Variants in A2ML1 observed in about 807,000 individuals in gnomAD.
The protein encoded by A2ML1 is alpha-2-macroglobulin-like protein 1.
A neutral mutation model predicts 181.9 loss-of-function variants in A2ML1; 161 were observed. That is an observed-to-expected ratio of 0.89 (90% CI 0.78 to 1.01). The LOEUF is 1.01. A2ML1 is among the 50% of genes least tolerant of loss of function. The probability of loss-of-function intolerance (pLI) is 0.00; values close to 1 mark genes in which losing one functional copy is unlikely to be tolerated. For synonymous variants in A2ML1, 663 were observed against 666.8 expected, an observed-to-expected ratio of 0.99 and a Z score of 0.09; for missense variants, 1,670 against 1,768.1, an observed-to-expected ratio of 0.94 and a Z score of 1.00.
rs919609806 is a variant in A2ML1 at position 8,847,765 on chromosome 12, T to G, written c.1833+67T>G. ...TGGAGAAGACAATTAAGAGGTAGGT[T>G]TCAGGCAGGGGAGAGAAAGTCTTAG... On this transcript the variant is annotated intron_variant, in intron 15 of 35. Transcript: ENST00000299698. 6 of 1,553,046 alleles carry G rather than the reference T, an allele frequency of 3.9e-6. No homozygotes were observed. The African/African-American group carries it at 8.2e-5, about 21-fold the overall frequency.
chr12:8,849,189 C>A (rs1201057586), intron 16 of A2ML1, among the ~76,000 whole-genome samples: 2 of 152,088 alleles, frequency 1.3e-5, no homozygotes, highest in Non-Finnish European at 2.9e-5. Flanking sequence ...GGTCTCTTAT[C>A]ATTATTATAA....
chr12:8,829,409 T>A (rs1458471745), intron 3 of A2ML1, among the ~76,000 whole-genome samples: 1 of 152,284 alleles, frequency 6.6e-6, no homozygotes, highest in East Asian at 1.9e-4. Context: ...ACGCCTATAA[T>A]CCCAGCACTT....
chr12:8,845,463 G>A lies in A2ML1; in HGVS notation c.1498G>A (p.Val500Met). The change falls in exon 13 of 36, where the codon GTG becomes ATG. Residue 500 changes from valine (V) to methionine (M), a missense_variant. Transcript: ENST00000299698. ...TTAGTTAATAGGGAAAGGAAGTTTG[G>A]TGATGGAGGGGCAGAAACACCTGAA... ...SYYLIGKGSL[V>M]MEGQKHLNSK... is the part of the protein sequence containing the mutation. 1 of 1,614,136 alleles carries A rather than the reference G, an allele frequency of 6.2e-7. No homozygotes were observed. Among genetic ancestry groups the A allele is most frequent in the Non-Finnish European group, 8.5e-7 (1 of 1,180,022 alleles).
chr12:8,860,540 C>T (rs747111827), intron 26 of A2ML1, among the ~76,000 whole-genome samples: 4 of 152,228 alleles, frequency 2.6e-5, no homozygotes, highest in African/African-American at 9.6e-5. Flanking sequence ...GGCTCAGATG[C>T]GGTGATGCGG....
Position 8,845,464 on chromosome 12 carries a change from T to A in A2ML1, c.1499T>A (p.Val500Glu). 1 of 1,614,084 alleles carries A rather than the reference T, an allele frequency of 6.2e-7. No individual in the cohort carries two copies. Among genetic ancestry groups the A allele is most frequent in the Non-Finnish European group, 8.5e-7 (1 of 1,179,996 alleles). The change falls in exon 13 of 36, where the codon GTG becomes GAG. Residue 500 changes from valine to glutamate, a missense_variant. Coordinates refer to ENST00000299698, the MANE Select transcript of A2ML1 (RefSeq NM_144670.6). ...TAGTTAATAGGGAAAGGAAGTTTGG[T>A]GATGGAGGGGCAGAAACACCTGAAC... ...SYYLIGKGSL[V>E]MEGQKHLNSK...
chr12:8,859,193 C>G (rs1944174004), intron 26 of A2ML1, among the ~76,000 whole-genome samples: 1 of 151,828 alleles, frequency 6.6e-6, no homozygotes, highest in African/African-American at 2.4e-5. Context: ...ATAACTTGTT[C>G]AATTCAGGAC....
At chr12:8,873,297 T>C (rs753599348) in intron 33 of A2ML1, among the ~76,000 whole-genome samples, 3 of 151,848 alleles carry the variant, frequency 2.0e-5, no homozygotes, top group Non-Finnish European at 4.4e-5. Flanking sequence ...TGGACTTCAG[T>C]GGCCCGATCT....
At chr12:8,867,806 C>A in intron 29 of A2ML1, 36 bp from the exon 30 acceptor site, 1 of 1,585,818 alleles carries the variant, frequency 6.3e-7, no homozygotes. Context: ...CAATGGCTCA[C>A]AAAATGGTAA....
At chr12:8,886,576 C>T (rs1944923225) in exon 8 of A2ML1, 1 of 152,260 alleles carries the variant, frequency 6.6e-6, no homozygotes, top group Non-Finnish European at 1.5e-5. Context: ...GACTCTGTGG[C>T]ACGGCACCCA....
At chr12:8,865,362 A>G (rs752230489) in intron 29 of A2ML1, among the ~76,000 whole-genome samples, 64 of 152,030 alleles carry the variant, frequency 4.2e-4, no homozygotes, top group African/African-American at 1.5e-3. Flanking sequence ...CAACATGGAG[A>G]AACCCCATCT....
Position 8,838,327 on chromosome 12 carries a change from C to A in A2ML1, c.856-9C>A, listed in dbSNP as rs1316015637. The A allele has an allele frequency of 3.1e-6, 5 of 1,603,752 alleles. No homozygotes were observed. The highest frequency in any genetic ancestry group is 4.3e-6 in the Non-Finnish European group (5 of 1,171,430). ...TGCTCTCTATCTCTGTCTCTGATCA[C>A]CTCACTAGACTGACAAAACAGGATG... On this transcript the variant is annotated splice_polypyrimidine_tract_variant and intron_variant, in intron 8 of 35. Coordinates refer to ENST00000299698, the MANE Select transcript of A2ML1 (RefSeq NM_144670.6).
At chr12:8,844,929 T>C in intron 12 of A2ML1, 1 of 1,232,074 alleles carries the variant, frequency 8.1e-7, no homozygotes, top group Non-Finnish European at 1.0e-6. Context: ...GCAAACAAGA[T>C]CACCGAGTTC....
intron 3 of A2ML1, among the ~76,000 whole-genome samples, chr12:8,824,222 GTTTTTTTTTTT>G (rs34400836): frequency 2.2e-5 from 2 of 92,310 alleles, no homozygotes; most frequent in Non-Finnish European, 4.1e-5. Context: ...AGCTACTGGG[GTTTTTTTTTTT>G]TTTTTTTTTT....
chr12:8,872,160 C>T (rs915459297), intron 33 of A2ML1, among the ~76,000 whole-genome samples: 8 of 148,038 alleles, frequency 5.4e-5, no homozygotes, highest in African/African-American at 1.8e-4. Context: ...GCCTGGGCAA[C>T]GGTGCAAGAC....
intron 24 of A2ML1, 55 bp from the exon 25 acceptor site, chr12:8,857,452 T>G (rs1592143065): frequency 9.3e-6 from 15 of 1,608,532 alleles, no homozygotes; most frequent in Non-Finnish European, 1.3e-5. Flanking sequence ...TTGAACGGCA[T>G]GGGGGTGTTT....
chr12:8,835,969 C>T lies in A2ML1; in HGVS notation c.644-286C>T, dbSNP rs149343106. On this transcript the variant is annotated intron_variant, in intron 6 of 35. Coordinates refer to ENST00000299698, the MANE Select transcript of A2ML1 (RefSeq NM_144670.6). Reference sequence around the variant, plus strand: ...TGCAGCTTGCAGTGAGCTGACATCACGCCACTGCACTCCAGCCTGGGTGAC... The same window carrying T: ...TGCAGCTTGCAGTGAGCTGACATCATGCCACTGCACTCCAGCCTGGGTGAC... 3.4e-3 allele frequency among the ~76,000 whole-genome samples: 479 copies of T among 142,612 alleles called. 1 individual carries two copies. Among genetic ancestry groups the T allele is most frequent in the African/African-American group, 0.012 (452 of 37,380 alleles). 93.6% of individuals were successfully genotyped at this position (142,612 alleles called of 152,430 possible). A position where few individuals can be genotyped will look rare whatever the true frequency, so the allele number is the denominator to read the frequency against.
chr12:8,836,771 C>A (rs893456828), intron 7 of A2ML1, among the ~76,000 whole-genome samples: 9 of 152,140 alleles, frequency 5.9e-5, no homozygotes, highest in Non-Finnish European at 1.2e-4. Flanking sequence ...ACGTGAGCCA[C>A]CGCGCCCAGC....
chr12:8,842,605 A>T (rs1356096121), intron 11 of A2ML1, among the ~76,000 whole-genome samples: 4 of 152,142 alleles, frequency 2.6e-5, no homozygotes, highest in Non-Finnish European at 5.9e-5. Context: ...ATGCTCAAGG[A>T]TGCTGATCTC....
At chr12:8,853,936 C>G (rs996274462) in intron 20 of A2ML1, among the ~76,000 whole-genome samples, 192 bp from the exon 21 acceptor site, 1 of 152,290 alleles carries the variant, frequency 6.6e-6, no homozygotes, top group South Asian at 2.1e-4. Context: ...CCACACTGGA[C>G]TAGCCTCTCT....
Sources: gnomAD v4.1 joint callset for allele counts (sites outside exome capture counted in the v4.1 genomes callset) on GRCh38, gnomAD v4.1.1 for gene constraint, MANE v1.5 for transcripts, NCBI Gene and HGNC (gene_info 2026-07-23, HGNC 2026-07-21) for gene names.